Variants in CDH4 observed in about 807,000 individuals in gnomAD.
The protein encoded by CDH4 is cadherin 4.
In CDH4, 33 loss-of-function variants were observed where a neutral mutation model predicts 86.0. The observed-to-expected ratio is 0.38, with a 90% CI of 0.29 to 0.51. CDH4 has a LOEUF of 0.51. Among genes scored for constraint, CDH4 ranks in the 20% least tolerant of loss-of-function variants. The pLI is 0.86. For synonymous variants in CDH4, 555 were observed against 549.4 expected (o/e 1.01, Z -0.14); for missense variants, 1,114 against 1,307.4 (o/e 0.85, Z 2.28).
At chr20:61,669,501 A>C (rs186625181) in intron 2 of CDH4, among the ~76,000 whole-genome samples, 1 of 152,264 alleles carries the variant, frequency 6.6e-6, no homozygotes, top group African/African-American at 2.4e-5. Context: ...CTGTCGATTT[A>C]ATTGGAACTT....
chr20:61,429,409 C>T (rs907746503), intron 2 of CDH4, among the ~76,000 whole-genome samples: 3 of 152,214 alleles, frequency 2.0e-5, no homozygotes, highest in Non-Finnish European at 4.4e-5. Context: ...CAGTTTATAG[C>T]AAATCGTATG....
chr20:61,396,232 G>T (rs867113029), intron 2 of CDH4, among the ~76,000 whole-genome samples: 1 of 152,166 alleles, frequency 6.6e-6, no homozygotes, highest in African/African-American at 2.4e-5. Context: ...CTCAGGTCGG[G>T]GTGGAGGGTG....
chr20:61,760,577 C>T (rs1368508653), intron 3 of CDH4, among the ~76,000 whole-genome samples: 1 of 151,870 alleles, frequency 6.6e-6, no homozygotes, highest in Non-Finnish European at 1.5e-5. Flanking sequence ...GCTGGCTTCC[C>T]GCCCCTACTC....
At chr20:61,384,034 G>C (rs536549108) in intron 2 of CDH4, among the ~76,000 whole-genome samples, 96 of 152,044 alleles carry the variant, frequency 6.3e-4, no homozygotes, top group African/African-American at 2.0e-3. Flanking sequence ...ATTCAGCACG[G>C]GAGAAAGATG....
intron 2 of CDH4, among the ~76,000 whole-genome samples, chr20:61,562,202 A>G (rs62199238): frequency 4.2e-4 from 27 of 63,568 alleles, no homozygotes; most frequent in African/African-American, 7.2e-4. Flanking sequence ...CAGGGCTCCC[A>G]GAGAGAGAGA....
intron 2 of CDH4, among the ~76,000 whole-genome samples, chr20:61,338,291 GA>G (rs1000010599): frequency 1.3e-5 from 2 of 150,518 alleles, no homozygotes; most frequent in South Asian, 2.1e-4. Flanking sequence ...AAATTGAAGA[GA>G]AAAAAAAATC....
In CDH4 at chr20:61,525,137, G is replaced by A. The variant is rs57056062; in HGVS notation, c.170-218426G>A. Among the ~76,000 whole-genome samples, 165 of 152,242 alleles carry A rather than the reference G, an allele frequency of 1.1e-3. No homozygotes were observed. In the East Asian group the frequency reaches 0.028, roughly 26 times the overall value. On this transcript the variant is annotated intron_variant, in intron 2 of 15. Transcript: ENST00000614565. ...CCAGACCTTGCCAGGCATGATTCCC[G>A]GGTTTTATCCTAATGCCCATTTGCT... is the stretch of plus-strand genomic sequence containing the variant.
chr20:61,284,345 CT>C (rs897174324), intron 2 of CDH4, among the ~76,000 whole-genome samples: 5 of 152,056 alleles, frequency 3.3e-5, no homozygotes, highest in African/African-American at 1.2e-4. Context: ...TTCCTCCTTT[CT>C]TTTTTTGTGC....
chr20:61,633,840 C>G (rs1228568179), intron 2 of CDH4, among the ~76,000 whole-genome samples: 1 of 152,060 alleles, frequency 6.6e-6, no homozygotes, highest in East Asian at 1.9e-4. Context: ...AGTGCCATCT[C>G]CCCCCCAGCT....
rs1206558365 is a variant in CDH4 at position 61,392,859 on chromosome 20, A to G, written c.169+137922A>G. 3.9e-5 allele frequency among the ~76,000 whole-genome samples: 6 copies of G among 151,952 alleles called. No individual in the cohort carries two copies. The highest frequency in any genetic ancestry group is 8.8e-5 in the Non-Finnish European group (6 of 68,010). ...TTCGTCTTCCATTAGCCCCTCCACC[A>G]TCCCCTGTGTCACTGCACTAAGTAA... On this transcript the variant is annotated intron_variant, in intron 2 of 15. Coordinates refer to ENST00000614565, the MANE Select transcript of CDH4 (RefSeq NM_001794.5). The surrounding 1 kb of genome is among the most constrained non-coding windows in gnomAD (Gnocchi z 5.7).
chr20:61,257,068 A>T (rs2084102671), intron 2 of CDH4, among the ~76,000 whole-genome samples: 1 of 152,212 alleles, frequency 6.6e-6, no homozygotes, highest in South Asian at 2.1e-4. Flanking sequence ...TGTTTCTGTT[A>T]TTCTGGTAGG....
At chr20:61,841,705 G>GGA (rs397711135) in intron 4 of CDH4, among the ~76,000 whole-genome samples, 3 of 151,848 alleles carry the variant, frequency 2.0e-5, no homozygotes, top group Non-Finnish European at 2.9e-5. Flanking sequence ...TTGCGGGGGG[G>GGA]AACAAAGACG....
chr20:61,820,099 G>A (rs565256508), intron 4 of CDH4, among the ~76,000 whole-genome samples: 2 of 152,166 alleles, frequency 1.3e-5, no homozygotes, highest in Non-Finnish European at 2.9e-5. Context: ...CCTGCCTCCC[G>A]CTGTGGCTTC....
chr20:61,750,873 T>G (rs1235542162), intron 3 of CDH4, among the ~76,000 whole-genome samples: 1 of 152,160 alleles, frequency 6.6e-6, no homozygotes, highest in Non-Finnish European at 1.5e-5. Context: ...AGATCCCAAT[T>G]ACAATAGCAT....
chr20:61,773,087 G>A lies in CDH4; in HGVS notation c.481G>A (p.Ala161Thr). 21 of 1,613,398 alleles carry A rather than the reference G, an allele frequency of 1.3e-5. No individual in the cohort carries two copies. The highest frequency in any genetic ancestry group is 1.8e-5 in the Non-Finnish European group (21 of 1,179,870). ...GCTGCCGTGGCCCCAGCACCAGAACGCCAACGGGCTGAGGCGGCGCAAACG... is the reference window on the plus strand; with the variant it reads ...GCTGCCGTGGCCCCAGCACCAGAACACCAACGGGCTGAGGCGGCGCAAACG... ...TLLPWPQHQNANGLRRRKRDW... is the reference protein window; with the variant it reads ...TLLPWPQHQNTNGLRRRKRDW... The change falls in exon 4 of 16, where the codon GCC (alanine) becomes ACC (threonine). Residue 161 changes from alanine to threonine, a missense_variant. Physicochemically the swap from Ala to Thr is moderately conservative, Grantham distance 58 (BLOSUM62 0). Around this residue, in one of 3 missense-constraint regions of CDH4, gnomAD observed 221 missense variants for 209.5 expected, o/e 1.05. Transcript: ENST00000614565.
chr20:61,791,830 A>G (rs1979217712), intron 4 of CDH4, among the ~76,000 whole-genome samples: 1 of 148,460 alleles, frequency 6.7e-6, no homozygotes, highest in Admixed American at 6.7e-5. Context: ...GCCCTGGGGT[A>G]GGAATGAGCT....
At chr20:61,278,647 G>C (rs540035669) in intron 2 of CDH4, among the ~76,000 whole-genome samples, 46 of 152,340 alleles carry the variant, frequency 3.0e-4, no homozygotes, top group African/African-American at 1.1e-3. Context: ...TTCTGAGAAT[G>C]TTCAAAATGC....
rs988604155 is a variant in CDH4, at chr20:61,314,137, T to C, written c.169+59200T>C. Among the ~76,000 whole-genome samples the C allele has an allele frequency of 3.9e-5, 6 of 152,238 alleles. No homozygotes were observed. In the East Asian group the frequency reaches 9.6e-4, roughly 24 times the overall value. ...TTTTGTGGTGAGAGGTGAGAACATT[T>C]ATGGTCCGTTCCTTTTACAGATTTC... On this transcript the variant is annotated intron_variant, in intron 2 of 15. Coordinates refer to ENST00000614565, the MANE Select transcript of CDH4 (RefSeq NM_001794.5).
chr20:61,565,062 T>TTGGTGGTAGTGGTGGTGGTGGTGG lies in CDH4; in HGVS notation c.170-178494_170-178493insAGTGGTGGTGGTGGTGGTGGTGGT, dbSNP rs1555808994. Among the ~76,000 whole-genome samples, 12 of 101,218 alleles carry TTGGTGGTAGTGGTGGTGGTGGTGG rather than the reference T, an allele frequency of 1.2e-4. 1 individual carries two copies. Among genetic ancestry groups the TTGGTGGTAGTGGTGGTGGTGGTGG allele is most frequent in the Admixed American group, 4.1e-4 (4 of 9,840 alleles). 66.4% of individuals were successfully genotyped at this position (101,218 alleles called of 152,430 possible). On this transcript the variant is annotated intron_variant, in intron 2 of 15. Coordinates refer to ENST00000614565, the MANE Select transcript of CDH4 (RefSeq NM_001794.5). Reference sequence around the variant, plus strand: ...TTCTTTGCTGCCACTGGTGGTGCTCTTGGTGGTGGTGGTGGTGGTGGTGGT... The same window carrying TTGGTGGTAGTGGTGGTGGTGGTGG: ...TTCTTTGCTGCCACTGGTGGTGCTCTTGGTGGTAGTGGTGGTGGTGGTGGTGGTGGTGGTGGTGGTGGTGGTGGT...
Sources: gnomAD v4.1 joint callset for allele counts (sites outside exome capture counted in the v4.1 genomes callset) on GRCh38, gnomAD v4.1.1 for gene constraint, gnomAD v4.1.1 regional missense constraint, Gnocchi (gnomAD v3.1) non-coding constraint, MANE v1.5 for transcripts, NCBI Gene and HGNC (gene_info 2026-07-23, HGNC 2026-07-21) for gene names.